The following ADCY3 variants were observed in gnomAD, a reference collection of about 807,000 sequenced individuals.
ADCY3 encodes the protein adenylate cyclase 3.
A neutral mutation model predicts 119.4 loss-of-function variants in ADCY3; 70 were observed. The ratio of observed to expected loss-of-function variants is 0.59; its 90% CI spans 0.48 to 0.72. The LOEUF is 0.72. Among genes scored for constraint, ADCY3 ranks in the 30% least tolerant of loss-of-function variants. The pLI, the probability that ADCY3 is intolerant of heterozygous loss-of-function variation, is 0.00. For synonymous variants in ADCY3, 672 were observed against 621.4 expected (o/e 1.08, Z -1.21); for missense variants, 1,238 against 1,541.6 (o/e 0.80, Z 3.30).
In ADCY3 at chr2:24,883,369, C is replaced by T. The variant is rs534129290; in HGVS notation, c.676-10650G>A. Among the ~76,000 whole-genome samples, 28 of 151,586 alleles carry T rather than the reference C, an allele frequency of 1.8e-4. No individual in the cohort carries two copies. In the South Asian group the frequency reaches 3.8e-3, roughly 20 times the overall value. ...TCTCAAAAAAAATAAAAAAAAGAAG[C>T]TAGCAGTGAACAGAGGATGTGCAGC... is the stretch of plus-strand genomic sequence containing the variant. On this transcript the variant is annotated intron_variant, in intron 2 of 21. Transcript: ENST00000679454.
In ADCY3 at chr2:24,872,689, C is replaced by T. The variant is rs748089477; in HGVS notation, c.706G>A (p.Ala236Thr). ...TAGGACATGATGCCCACAGCGATGG[C>T]GCACAGGTAGAGGAAGACGTTGGCC... ...ILANVFLYLCAIAVGIMSYYM... is the reference protein window; with the variant it reads ...ILANVFLYLCTIAVGIMSYYM... The change falls in exon 3 of 22, where the codon GCC becomes ACC. Residue 236 changes from alanine (A) to threonine (T), a missense_variant. Physicochemically the swap from Ala to Thr is moderately conservative, Grantham distance 58. Around this residue, in one of 7 missense-constraint regions of ADCY3, gnomAD observed 283 missense variants for 437.2 expected, o/e 0.65. Transcript: ENST00000679454. This position sits in a 1 kb window ranked among gnomAD's most constrained non-coding sequence, Gnocchi z 4.4. The T allele has an allele frequency of 1.7e-5, 28 of 1,613,972 alleles. No individual in the cohort carries two copies. In the East Asian group the frequency reaches 2.7e-4, roughly 15 times the overall value.
At chr2:24,848,347 G>T (rs191516147) in intron 3 of ADCY3, among the ~76,000 whole-genome samples, 8 of 152,146 alleles carry the variant, frequency 5.3e-5, no homozygotes, top group Non-Finnish European at 8.8e-5. Context: ...CCATCCCTTC[G>T]TTTCCCATAA....
chr2:24,898,755 G>A lies in ADCY3; in HGVS notation c.675+19558C>T, dbSNP rs1324436123. On this transcript the variant is annotated intron_variant, in intron 2 of 21. Transcript: ENST00000679454. This position sits in a 1 kb window ranked among gnomAD's most constrained non-coding sequence, Gnocchi z 4.3. ...TTGCCTGGGGAAGCCTGGGAGGTTCGGGGAAGCAAACAGAATTCCTAAGAC... is the reference window on the plus strand; with the variant it reads ...TTGCCTGGGGAAGCCTGGGAGGTTCAGGGAAGCAAACAGAATTCCTAAGAC... 6.6e-6 allele frequency among the ~76,000 whole-genome samples: 1 copy of A among 152,186 alleles called. No individual in the cohort carries two copies. Among genetic ancestry groups the A allele is most frequent in the South Asian group, 2.1e-4 (1 of 4,818 alleles).
intron 20 of ADCY3, chr2:24,821,307 G>A (rs906158347): frequency 4.7e-6 from 3 of 637,080 alleles, no homozygotes; most frequent in African/African-American, 1.8e-5. Flanking sequence ...GCACAGTATA[G>A]TCGGATCATC....
At chr2:24,912,522 G>A (rs1211454242) in intron 2 of ADCY3, among the ~76,000 whole-genome samples, 1 of 151,800 alleles carries the variant, frequency 6.6e-6, no homozygotes, top group Non-Finnish European at 1.5e-5. Flanking sequence ...CCAGAAGGCT[G>A]GGCAGACCAA....
At chr2:24,865,432 A>T (rs1674159564) in intron 3 of ADCY3, among the ~76,000 whole-genome samples, 1 of 151,192 alleles carries the variant, frequency 6.6e-6, no homozygotes, top group African/African-American at 2.4e-5. Flanking sequence ...ACAGAGTGAG[A>T]CTCTGTCTCA....
intron 6 of ADCY3, chr2:24,840,698 C>G: frequency 2.8e-6 from 1 of 361,894 alleles, no homozygotes. Context: ...GAGGGACTGC[C>G]CATCCGAGAG....
In ADCY3 at chr2:24,834,405, G is replaced by T; in HGVS notation, c.1967+80C>A. ...GCTTGCTCCCCAATGTCAGGCTCCC[G>T]CTGAGACACCTGCCCCCGCCCCCCG... On this transcript the variant is annotated intron_variant, in intron 11 of 21. Coordinates refer to ENST00000679454, the MANE Select transcript of ADCY3 (RefSeq NM_004036.5). This position sits in a 1 kb window ranked among gnomAD's most constrained non-coding sequence, Gnocchi z 4.2. 1 of 1,299,424 alleles carries T rather than the reference G, an allele frequency of 7.7e-7. No homozygotes were observed. Among genetic ancestry groups the T allele is most frequent in the Non-Finnish European group, 1.1e-6 (1 of 943,348 alleles). The allele number at this position is 1,299,424 out of a possible 1,614,324, so 80.5% of individuals were successfully genotyped here.
chr2:24,868,469 G>A (rs935973721), intron 3 of ADCY3, among the ~76,000 whole-genome samples: 7 of 151,978 alleles, frequency 4.6e-5, no homozygotes, highest in African/African-American at 7.3e-5. Context: ...GACCAACGTG[G>A]TGAAACCCTG....
At position 24,895,591 on chromosome 2, in the gene ADCY3, A is replaced by G. The variant is rs367599187; in HGVS notation, c.675+22722T>C. Reference sequence around the variant, plus strand: ...CCCACATGCCAGTGATGCTCTGAGTATTACCTTTTGTCAATGTTTTTTCTT... The same window carrying G: ...CCCACATGCCAGTGATGCTCTGAGTGTTACCTTTTGTCAATGTTTTTTCTT... On this transcript the variant is annotated intron_variant, in intron 2 of 21. Transcript: ENST00000679454. 1.6e-4 allele frequency among the ~76,000 whole-genome samples: 24 copies of G among 150,852 alleles called. No individual in the cohort carries two copies. The East Asian group carries it at 2.1e-3, about 13-fold the overall frequency.
At chr2:24,860,776 A>G (rs77225428) in intron 3 of ADCY3, among the ~76,000 whole-genome samples, 10,824 of 152,232 alleles carry the variant, frequency 0.071, 463 homozygotes, top group East Asian at 0.094. Context: ...GGTCATCTTC[A>G]TAACAGAAGG....
chr2:24,882,963 G>T (rs1676575884), intron 2 of ADCY3, among the ~76,000 whole-genome samples: 1 of 152,116 alleles, frequency 6.6e-6, no homozygotes, highest in African/African-American at 2.4e-5. Flanking sequence ...GGGAGGCTGA[G>T]GCACAAGAAC....
chr2:24,917,189 T>C (rs1005080796), intron 2 of ADCY3, among the ~76,000 whole-genome samples: 2 of 152,206 alleles, frequency 1.3e-5, no homozygotes, highest in African/African-American at 4.8e-5. Context: ...CTGACCTCCA[T>C]GGCTGCTAGA....
At position 24,842,715 on chromosome 2, in the gene ADCY3, C is replaced by T. The variant is rs1287098919; in HGVS notation, c.826-331G>A. On this transcript the variant is annotated intron_variant, in intron 3 of 21. Coordinates refer to ENST00000679454, the MANE Select transcript of ADCY3 (RefSeq NM_004036.5). This position sits in a 1 kb window ranked among gnomAD's most constrained non-coding sequence, Gnocchi z 4.9. ...CCTGCGTGGGCTGCTGCACCGTGAGCCCTCCCGGCAGGAGCCCTGCGGGGT... is the reference window on the plus strand; with the variant it reads ...CCTGCGTGGGCTGCTGCACCGTGAGTCCTCCCGGCAGGAGCCCTGCGGGGT... 3.2e-6 allele frequency: 1 copy of T among 313,770 alleles called. No individual in the cohort carries two copies. Among genetic ancestry groups the T allele is most frequent in the South Asian group, 3.5e-5 (1 of 28,442 alleles). The allele number at this position is 313,770 out of a possible 1,614,324, so 19.4% of individuals were successfully genotyped here.
chr2:24,839,805 G>A lies in ADCY3; in HGVS notation c.1355+68C>T, dbSNP rs1045173082. The A allele has an allele frequency of 5.0e-6, 8 of 1,606,228 alleles. No individual in the cohort carries two copies. The Admixed American group carries it at 1.2e-4, about 23-fold the overall frequency. ...CCCCCTGTCCCTCATCAGGGTCACA[G>A]CCCTGGGGGATGGAGGGGACGGTCC... On this transcript the variant is annotated intron_variant, in intron 7 of 21. Coordinates refer to ENST00000679454, the MANE Select transcript of ADCY3 (RefSeq NM_004036.5).
chr2:24,918,403 C>T lies in ADCY3; in HGVS notation c.585G>A (p.Val195=). The part of the protein sequence containing the change: ...LSLSPIVIIS[V]VSCVVHTLVL... ...CCAACGTGTGCACCACACAGGAGAC[C>T]ACGGAGATGATCACGATGGGGCTGA... The change falls in exon 2 of 22, where the codon GTG becomes GTA. Residue 195 remains valine (V), a synonymous_variant. Coordinates refer to ENST00000679454, the MANE Select transcript of ADCY3 (RefSeq NM_004036.5). This position sits in a 1 kb window ranked among gnomAD's most constrained non-coding sequence, Gnocchi z 5.4. 6.2e-7 allele frequency: 1 copy of T among 1,613,838 alleles called. No homozygotes were observed. Among genetic ancestry groups the T allele is most frequent in the Non-Finnish European group, 8.5e-7 (1 of 1,180,002 alleles).
rs759989747 is a variant in ADCY3 at position 24,878,995 on chromosome 2, C to T, written c.676-6276G>A. ...GTTTCCCTGCTGGCTCCCCAGCACC[C>T]GGGACTGGCACATAGAAAGCCATAG... On this transcript the variant is annotated intron_variant, in intron 2 of 21. Coordinates refer to ENST00000679454, the MANE Select transcript of ADCY3 (RefSeq NM_004036.5). This position sits in a 1 kb window ranked among gnomAD's most constrained non-coding sequence, Gnocchi z 4.0. Among the ~76,000 whole-genome samples the T allele has an allele frequency of 3.3e-5, 5 of 152,186 alleles. No homozygotes were observed. Among genetic ancestry groups the T allele is most frequent in the African/African-American group, 7.2e-5 (3 of 41,440 alleles).
Position 24,842,009 on chromosome 2 carries a change from A to G in ADCY3, c.956+245T>C, listed in dbSNP as rs1429885395. Among the ~76,000 whole-genome samples the G allele has an allele frequency of 6.6e-6, 1 of 152,196 alleles. No individual in the cohort carries two copies. Among genetic ancestry groups the G allele is most frequent in the African/African-American group, 2.4e-5 (1 of 41,464 alleles). ...GCCCTCAACAGCTGGGTGACCTCAC[A>G]GGAGTCCCTTCCCCGCTCCAGGTGA... On this transcript the variant is annotated intron_variant, in intron 4 of 21. Coordinates refer to ENST00000679454, the MANE Select transcript of ADCY3 (RefSeq NM_004036.5). The surrounding 1 kb of genome is among the most constrained non-coding windows in gnomAD (Gnocchi z 4.9).
intron 13 of ADCY3, among the ~76,000 whole-genome samples, chr2:24,830,229 T>C (rs1180540887): frequency 1.4e-5 from 2 of 147,896 alleles, no homozygotes; most frequent in African/African-American, 2.5e-5. Flanking sequence ...TTAGTACAGA[T>C]GGGGTTTCAC....
Sources: gnomAD v4.1 joint callset for allele counts (sites outside exome capture counted in the v4.1 genomes callset) on GRCh38, gnomAD v4.1.1 for gene constraint, gnomAD v4.1.1 regional missense constraint, Gnocchi (gnomAD v3.1) non-coding constraint, MANE v1.5 for transcripts, NCBI Gene and HGNC (gene_info 2026-07-23, HGNC 2026-07-21) for gene names.